TNN: variants seen among roughly 807,000 people sequenced by gnomAD.
The protein encoded by TNN is tenascin-N.
In TNN, 122 loss-of-function variants were observed where a neutral mutation model predicts 134.4. The ratio of observed to expected loss-of-function variants is 0.91; its 90% CI spans 0.78 to 1.06. The LOEUF (loss-of-function observed/expected upper bound fraction) is 1.06, where lower values mean the gene tolerates loss of function less well. Ranked by LOEUF, TNN falls within the 50% of genes least tolerant of loss-of-function variation. The pLI is 0.00. For synonymous variants in TNN, 710 were observed against 670.3 expected (o/e 1.06, Z -0.91); for missense variants, 1,739 against 1,699.4 (o/e 1.02, Z -0.41).
At chr1:175,101,402 C>T (rs966265906) in intron 9 of TNN, among the ~76,000 whole-genome samples, 6 of 151,478 alleles carry the variant, frequency 4.0e-5, no homozygotes, top group East Asian at 2.0e-4. Context: ...ATAAAAGCAG[C>T]GTGGACCCAA....
chr1:175,140,676 C>T (rs1453133096), intron 17 of TNN, among the ~76,000 whole-genome samples: 5 of 152,198 alleles, frequency 3.3e-5, no homozygotes, highest in Non-Finnish European at 1.5e-5. Flanking sequence ...GCCAACAGTG[C>T]CAGCAAGTAG....
chr1:175,126,951 A>G lies in TNN; in HGVS notation c.2915-4A>G. 1 of 1,607,008 alleles carries G rather than the reference A, an allele frequency of 6.2e-7. No individual in the cohort carries two copies. The highest frequency in any genetic ancestry group is 8.5e-7 in the Non-Finnish European group (1 of 1,178,026). On this transcript the variant is annotated splice_region_variant and splice_polypyrimidine_tract_variant and intron_variant, in intron 12 of 18. Transcript: ENST00000239462. ...ATAACAATTACCTGACTTTCTACGT[A>G]CAGAACTCGACCCTCCCAGAAACCT...
rs535505553 is a variant in TNN at position 175,074,463 on chromosome 1, C to T, written c.-35-2921C>T. Among the ~76,000 whole-genome samples, 11 of 138,798 alleles carry T rather than the reference C, an allele frequency of 7.9e-5. No individual in the cohort carries two copies. In the South Asian group the frequency reaches 1.4e-3, roughly 18 times the overall value. The allele number at this position is 138,798 out of a possible 152,430, so 91.1% of individuals were successfully genotyped here. A position where few individuals can be genotyped will look rare whatever the true frequency, so the allele number is the denominator to read the frequency against. ...TTGTGCCAATGCACTCCAGCCTGGG[C>T]GACAGAATGGGATCCTGTCTGAAAA... On this transcript the variant is annotated intron_variant, in intron 1 of 18. Transcript: ENST00000239462.
At chr1:175,099,617 G>T (rs1218464881) in intron 9 of TNN, among the ~76,000 whole-genome samples, 1 of 131,950 alleles carries the variant, frequency 7.6e-6, no homozygotes. Flanking sequence ...GGGTCAGGAG[G>T]AGGAGAGGTG....
chr1:175,133,589 G>T (rs1675726630), intron 15 of TNN, among the ~76,000 whole-genome samples: 3 of 152,102 alleles, frequency 2.0e-5, no homozygotes, highest in South Asian at 4.2e-4. Flanking sequence ...CTCCTTAATG[G>T]ATTCGTCCTT....
In TNN at chr1:175,097,739, G is replaced by C. The variant is rs1234817238; in HGVS notation, c.1855+56G>C. On this transcript the variant is annotated intron_variant, in intron 8 of 18. Coordinates refer to ENST00000239462, the MANE Select transcript of TNN (RefSeq NM_022093.2). Reference sequence around the variant, plus strand: ...GAGTTTTAGCTTGTGGATTTGAATAGGTATGGTATCAAAGGATGTGGCCTG... The same window carrying C: ...GAGTTTTAGCTTGTGGATTTGAATACGTATGGTATCAAAGGATGTGGCCTG... 31 of 1,605,576 alleles carry C rather than the reference G, an allele frequency of 1.9e-5. No homozygotes were observed. The East Asian group carries it at 6.7e-4, about 35-fold the overall frequency.
intron 12 of TNN, among the ~76,000 whole-genome samples, chr1:175,125,684 T>C (rs2861155): frequency 0.62 from 85,971 of 138,180 alleles, 27,237 homozygotes; most frequent in Admixed American, 0.64. Flanking sequence ...CCTCCCTCCT[T>C]TCTTTCTCTC....
Position 175,136,892 on chromosome 1 carries a change from G to A in TNN, c.3499G>A (p.Ala1167Thr), listed in dbSNP as rs546534430. 4 of 1,614,214 alleles carry A rather than the reference G, an allele frequency of 2.5e-6. No individual in the cohort carries two copies. In the East Asian group the frequency reaches 6.7e-5, roughly 27 times the overall value. Residue 1167 changes from alanine (A) to threonine (T), a missense_variant, in exon 17 of 19, where the codon GCC (alanine) becomes ACC (threonine). By Grantham distance (58) the Ala-to-Thr change is moderately conservative. Transcript: ENST00000239462. Reference sequence around the variant, plus strand: ...TGAGGTGAGAGTGGATTTACAGACTGCCAATGAATCTGCCTATGCTATATA... The same window carrying A: ...TGAGGTGAGAGTGGATTTACAGACTACCAATGAATCTGCCTATGCTATATA... ...RYEVRVDLQT[A>T]NESAYAIYDF...
At position 175,128,100 on chromosome 1, in the gene TNN, T is replaced by A; in HGVS notation, c.3114T>A (p.Pro1038=). The change falls in exon 14 of 19, where the codon CCT becomes CCA. Residue 1038 remains proline (P), a synonymous_variant. Transcript: ENST00000239462. ...GCCTTGAGCAAGGCGCCACCTACCC[T>A]GTCTCCCTTGTTGCCTTTAAGGGTG... ...LQGLEQGATY[P]VSLVAFKGGR... 1 of 1,613,990 alleles carries A rather than the reference T, an allele frequency of 6.2e-7. No individual in the cohort carries two copies. Among genetic ancestry groups the A allele is most frequent in the South Asian group, 1.1e-5 (1 of 91,076 alleles).
intron 4 of TNN, among the ~76,000 whole-genome samples, chr1:175,083,420 C>T (rs780923845): frequency 6.6e-6 from 1 of 152,156 alleles, no homozygotes; most frequent in African/African-American, 2.4e-5. Context: ...TGTCAGAGCT[C>T]TGGACTGAGT....
At chr1:175,079,994 T>A (rs1484744056) in intron 3 of TNN, among the ~76,000 whole-genome samples, 169 bp from the exon 4 acceptor site, 1 of 150,416 alleles carries the variant, frequency 6.6e-6, no homozygotes, top group Admixed American at 6.6e-5. Context: ...GGTGAGGGGG[T>A]CAGTATTAAT....
Position 175,147,011 on chromosome 1 carries a change from C to G in TNN, c.3840C>G (p.Ser1280Arg). The G allele has an allele frequency of 1.2e-6, 2 of 1,605,980 alleles. No homozygotes were observed. Among genetic ancestry groups the G allele is most frequent in the Non-Finnish European group, 1.7e-6 (2 of 1,175,506 alleles). ...VELKIRPHGY[S>R]REPVLGRKKR... ...TGAAAATCCGCCCTCATGGCTACAG[C>G]AGGGAGCCTGTCCTGGGCAGAAAGA... The change falls in exon 19 of 19, where the codon AGC becomes AGG. Residue 1280 changes from serine to arginine, a missense_variant. Coordinates refer to ENST00000239462, the MANE Select transcript of TNN (RefSeq NM_022093.2).
chr1:175,097,832 G>A, intron 8 of TNN, 149 bp downstream of exon 8: 1 of 1,141,226 alleles, frequency 8.8e-7, no homozygotes. Flanking sequence ...GGTGATGGCG[G>A]TGGGCTGCTC....
At chr1:175,109,334 C>T (rs1027377418) in intron 9 of TNN, among the ~76,000 whole-genome samples, 3 of 150,812 alleles carry the variant, frequency 2.0e-5, no homozygotes, top group South Asian at 2.1e-4. Context: ...ATGATGCACC[C>T]GCCTCGGCCT....
At chr1:175,084,689 T>C (rs1389146552) in intron 5 of TNN, among the ~76,000 whole-genome samples, 5 of 152,232 alleles carry the variant, frequency 3.3e-5, no homozygotes, top group African/African-American at 1.2e-4. Context: ...ACAGGACATT[T>C]TGGGGTTCTT....
intron 9 of TNN, among the ~76,000 whole-genome samples, chr1:175,099,071 T>C (rs953763724): frequency 1.3e-5 from 2 of 152,214 alleles, no homozygotes; most frequent in African/African-American, 4.8e-5. Flanking sequence ...AAATAAAATA[T>C]CTAGTCATTT....
At chr1:175,138,791 C>A (rs1194818229) in intron 17 of TNN, among the ~76,000 whole-genome samples, 1 of 152,154 alleles carries the variant, frequency 6.6e-6, no homozygotes, top group East Asian at 1.9e-4. Flanking sequence ...TTAAGCATTT[C>A]ATCATTGTGC....
chr1:175,090,059 A>G (rs2149430463), intron 6 of TNN, among the ~76,000 whole-genome samples: 1 of 152,332 alleles, frequency 6.6e-6, no homozygotes, highest in Middle Eastern at 3.4e-3. Flanking sequence ...GCTTCTGTAT[A>G]TTGTGAGACT....
At chr1:175,141,159 G>T (rs1675936676) in intron 17 of TNN, among the ~76,000 whole-genome samples, 2 of 152,190 alleles carry the variant, frequency 1.3e-5, no homozygotes, top group African/African-American at 2.4e-5. Context: ...TTCCAGCAAG[G>T]TAATGATGTG....
Sources: allele counts gnomAD v4.1 joint callset (sites outside exome capture counted in the v4.1 genomes callset), GRCh38; gene constraint gnomAD v4.1.1; transcripts MANE v1.5; gene names NCBI Gene and HGNC (gene_info 2026-07-23, HGNC 2026-07-21).